The following DUSP4 variants were observed in gnomAD, a reference collection of about 807,000 sequenced individuals.
DUSP4 encodes the protein dual specificity phosphatase 4.
Under a neutral mutation model 27.2 loss-of-function variants are expected in DUSP4, and 12 were observed. That is an observed-to-expected ratio of 0.44 (90% CI 0.28 to 0.71). The LOEUF (loss-of-function observed/expected upper bound fraction) is 0.71. DUSP4 is among the 30% of genes least tolerant of loss of function. The probability of loss-of-function intolerance (pLI) is 0.14; values close to 1 mark genes in which losing one functional copy is unlikely to be tolerated. For missense variants in DUSP4, 448 were observed against 551.3 expected (o/e 0.81, Z 1.88); for synonymous variants, 257 against 245.2 (o/e 1.05, Z -0.45).
intron 1 of DUSP4, chr8:29,346,010 A>G: frequency 2.0e-6 from 2 of 987,340 alleles, no homozygotes; most frequent in Non-Finnish European, 2.4e-6. Context: ...GACATCCCCC[A>G]GAGCTGTGCT....
chr8:29,350,537 A>T lies in DUSP4; in HGVS notation c.-259T>A. 1 of 515,548 alleles carries T rather than the reference A, an allele frequency of 1.9e-6. No individual in the cohort carries two copies. The highest frequency in any genetic ancestry group is 3.4e-6 in the Non-Finnish European group (1 of 295,004). 31.9% of individuals were successfully genotyped at this position (515,548 alleles called of 1,614,324 possible). On this transcript the variant is annotated 5_prime_UTR_variant, in exon 1 of 4. Transcript: ENST00000240100. ...AGAGCGGAGGGGGAGGCGCCGGTGG[A>T]GGAGAGTGTGTTTACGAGAGAGGAC...
rs777977996 is a variant in DUSP4 at position 29,350,256 on chromosome 8, C to T, written c.23G>A (p.Arg8Gln). Residue 8 changes from arginine to glutamine, a missense_variant, in exon 1 of 4, where the codon CGG becomes CAG. Arg to Gln is a conservative substitution (Grantham distance 43). Around this residue, in one of 3 missense-constraint regions of DUSP4, gnomAD observed 345 missense variants for 394.0 expected, o/e 0.88. Transcript: ENST00000240100. MVTMEEL[R>Q]EMDCSVLKRL... is the part of the protein sequence containing the mutation. ...TTTGAGCACACTGCAGTCCATCTCC[C>T]GCAGCTCCTCCATCGTCACCATGGT... The T allele has an allele frequency of 1.3e-6, 2 of 1,590,576 alleles. No homozygotes were observed. Among genetic ancestry groups the T allele is most frequent in the Non-Finnish European group, 1.7e-6 (2 of 1,166,896 alleles).
intron 1 of DUSP4, chr8:29,345,710 C>A: frequency 7.2e-7 from 1 of 1,392,480 alleles, no homozygotes; most frequent in Non-Finnish European, 9.2e-7. Flanking sequence ...CCTATAAGCA[C>A]CCAGGATAAG....
chr8:29,337,437 T>C lies in DUSP4; in HGVS notation c.800-26A>G, dbSNP rs776888629. 3.8e-6 allele frequency: 6 copies of C among 1,568,060 alleles called. No homozygotes were observed. The highest frequency in any genetic ancestry group is 1.3e-5 in the African/African-American group (1 of 74,304). ...CTGGGGACAGGGTTCAATAGGTTAG[T>C]GCACGTTTCTGCAGACCCCAGCCCC... On this transcript the variant is annotated intron_variant, in intron 3 of 3. Coordinates refer to ENST00000240100, the MANE Select transcript of DUSP4 (RefSeq NM_001394.7). The surrounding 1 kb of genome is among the most constrained non-coding windows in gnomAD (Gnocchi z 6.4).
chr8:29,343,563 G>A (rs1037620931), intron 1 of DUSP4, among the ~76,000 whole-genome samples: 3 of 152,160 alleles, frequency 2.0e-5, no homozygotes, highest in Admixed American at 6.5e-5. Context: ...TTCTCCAGGG[G>A]GCACTGCCTG....
intron 1 of DUSP4, among the ~76,000 whole-genome samples, chr8:29,340,868 G>C (rs1817647350): frequency 6.6e-6 from 1 of 152,198 alleles, no homozygotes; most frequent in Non-Finnish European, 1.5e-5. Context: ...CCTGACCTGA[G>C]AGTGGGTAAG....
rs1447044752 is a variant in DUSP4 at position 29,333,450 on chromosome 8, C to T, written c.*3576G>A. The T allele has an allele frequency of 6.6e-6, 1 of 152,240 alleles. No homozygotes were observed. Among genetic ancestry groups the T allele is most frequent in the African/African-American group, 2.4e-5 (1 of 41,458 alleles). The allele number at this position is 152,240 out of a possible 1,614,324, so 9.4% of individuals were successfully genotyped here. ...AGTCCCTTAACAAGGCTCCACAGAT[C>T]AGCTGGCTTTCAAAAAGCCTGGAAG... On this transcript the variant is annotated 3_prime_UTR_variant, in exon 4 of 4. Coordinates refer to ENST00000240100, the MANE Select transcript of DUSP4 (RefSeq NM_001394.7).
chr8:29,342,981 C>T (rs1015795349), intron 1 of DUSP4, among the ~76,000 whole-genome samples: 2 of 152,138 alleles, frequency 1.3e-5, no homozygotes, highest in East Asian at 3.9e-4. Flanking sequence ...TCCTGGCTAA[C>T]ACGGTGAAAC....
chr8:29,350,299 G>T lies in DUSP4; in HGVS notation c.-21C>A. On this transcript the variant is annotated 5_prime_UTR_variant, in exon 1 of 4. Transcript: ENST00000240100. The stretch of plus-strand genomic sequence containing the variant: ...ACCATGGTCGCCGGGAACCGAGGCG[G>T]CTGGGCGCGCGAGGAAGAGAAGAGA... 1.9e-6 allele frequency: 3 copies of T among 1,551,556 alleles called. No homozygotes were observed. Among genetic ancestry groups the T allele is most frequent in the African/African-American group, 2.7e-5 (2 of 73,146 alleles).
intron 1 of DUSP4, among the ~76,000 whole-genome samples, chr8:29,344,331 G>C (rs1817697091): frequency 6.6e-6 from 1 of 152,208 alleles, no homozygotes; most frequent in African/African-American, 2.4e-5. Context: ...CATTCTGAAT[G>C]AATGAATTCT....
In DUSP4 at chr8:29,335,576, A is replaced by G. The variant is rs976054794; in HGVS notation, c.*1450T>C. On this transcript the variant is annotated 3_prime_UTR_variant, in exon 4 of 4. Coordinates refer to ENST00000240100, the MANE Select transcript of DUSP4 (RefSeq NM_001394.7). ...TTCAAAAATATTCACCTAACTAGGAATTTAAAGAACACAAGAAATTGTTGG... is the reference window on the plus strand; with the variant it reads ...TTCAAAAATATTCACCTAACTAGGAGTTTAAAGAACACAAGAAATTGTTGG... The G allele has an allele frequency of 6.6e-6, 1 of 152,242 alleles. No individual in the cohort carries two copies. Among genetic ancestry groups the G allele is most frequent in the African/African-American group, 2.4e-5 (1 of 41,460 alleles). The allele number at this position is 152,242 out of a possible 1,614,324, so 9.4% of individuals were successfully genotyped here.
chr8:29,347,362 G>A (rs1587052418), intron 1 of DUSP4, among the ~76,000 whole-genome samples: 1 of 152,202 alleles, frequency 6.6e-6, no homozygotes, highest in East Asian at 1.9e-4. Flanking sequence ...CCATTAGAGG[G>A]CAAAGAGGAA....
In DUSP4 at chr8:29,333,614, C is replaced by G. The variant is rs1270330056; in HGVS notation, c.*3412G>C. The stretch of plus-strand genomic sequence containing the variant: ...ACAACCTGGCTCTGTGCTGTCACAC[C>G]CAGCCTCCAACAGCGCCTTGACATC... On this transcript the variant is annotated 3_prime_UTR_variant, in exon 4 of 4. Coordinates refer to ENST00000240100, the MANE Select transcript of DUSP4 (RefSeq NM_001394.7). The G allele has an allele frequency of 6.6e-6, 1 of 152,258 alleles. No individual in the cohort carries two copies. 9.4% of individuals were successfully genotyped at this position (152,258 alleles called of 1,614,324 possible).
rs1200823816 is a variant in DUSP4 at position 29,336,193 on chromosome 8, A to G, written c.*833T>C. On this transcript the variant is annotated 3_prime_UTR_variant, in exon 4 of 4. Transcript: ENST00000240100. ...AGATGAGCCTTGGCAACATAGTGAGATGCTGTCTTTTTCTTTTCTTTTTTT... is the reference window on the plus strand; with the variant it reads ...AGATGAGCCTTGGCAACATAGTGAGGTGCTGTCTTTTTCTTTTCTTTTTTT... The G allele has an allele frequency of 7.0e-6, 1 of 142,718 alleles. No individual in the cohort carries two copies. The highest frequency in any genetic ancestry group is 1.5e-5 in the Non-Finnish European group (1 of 66,576). The allele number at this position is 142,718 out of a possible 1,614,324, so 8.8% of individuals were successfully genotyped here. A position where few individuals can be genotyped will look rare whatever the true frequency, so the allele number is the denominator to read the frequency against.
chr8:29,342,895 C>T (rs1317778408), intron 1 of DUSP4, among the ~76,000 whole-genome samples: 2 of 152,162 alleles, frequency 1.3e-5, no homozygotes, highest in Non-Finnish European at 2.9e-5. Flanking sequence ...GAGCTGGGCG[C>T]GGTGGCTCAC....
Position 29,337,476 on chromosome 8 carries a change from G to T in DUSP4, c.800-65C>A. ...GACCCCAGCCCCGACCAGGGGCACC[G>T]GCCAGCCCCTGGGGTCGGGGGGCTC... On this transcript the variant is annotated intron_variant, in intron 3 of 3. Coordinates refer to ENST00000240100, the MANE Select transcript of DUSP4 (RefSeq NM_001394.7). The surrounding 1 kb of genome is among the most constrained non-coding windows in gnomAD (Gnocchi z 6.4). 6.6e-7 allele frequency: 1 copy of T among 1,518,898 alleles called. No homozygotes were observed. The highest frequency in any genetic ancestry group is 8.8e-7 in the Non-Finnish European group (1 of 1,139,798). 94.1% of individuals were successfully genotyped at this position (1,518,898 alleles called of 1,614,324 possible).
At chr8:29,348,462 C>G (rs554500423) in intron 1 of DUSP4, 1 of 985,248 alleles carries the variant, frequency 1.0e-6, no homozygotes, top group African/African-American at 1.7e-5. Flanking sequence ...GAGCAAAAGA[C>G]AGCCCTCGCG....
intron 2 of DUSP4, among the ~76,000 whole-genome samples, chr8:29,339,236 G>A (rs958454497): frequency 4.6e-5 from 7 of 152,202 alleles, no homozygotes; most frequent in African/African-American, 1.4e-4. Flanking sequence ...AGACAAGAGA[G>A]AGGATCTTGG....
chr8:29,339,287 G>A (rs1817621828), intron 2 of DUSP4, among the ~76,000 whole-genome samples: 1 of 152,228 alleles, frequency 6.6e-6, no homozygotes. Flanking sequence ...CACATGAGAT[G>A]TGGGCAGCAG....
Sources: gnomAD v4.1 joint callset for allele counts (sites outside exome capture counted in the v4.1 genomes callset) on GRCh38, gnomAD v4.1.1 for gene constraint, gnomAD v4.1.1 regional missense constraint, Gnocchi (gnomAD v3.1) non-coding constraint, MANE v1.5 for transcripts, NCBI Gene and HGNC (gene_info 2026-07-23, HGNC 2026-07-21) for gene names.